KLF12: variants seen among roughly 807,000 people sequenced by gnomAD.
KLF12 encodes the protein Krueppel-like factor 12.
A neutral mutation model predicts 37.8 loss-of-function variants in KLF12; 9 were observed. The observed-to-expected ratio is 0.24, with a 90% CI of 0.14 to 0.42. The LOEUF is 0.42. Ranked by LOEUF, KLF12 falls within the 10% of genes least tolerant of loss-of-function variation. The pLI is 1.00. For synonymous variants in KLF12, 208 were observed against 202.1 expected (o/e 1.03, Z -0.25); for missense variants, 411 against 516.0 (o/e 0.80, Z 1.97).
At chr13:74,130,335 G>A (rs1319384955) in intron 1 of KLF12, among the ~76,000 whole-genome samples, 1 of 152,184 alleles carries the variant, frequency 6.6e-6, no homozygotes, top group East Asian at 1.9e-4. Context: ...AATAGAAAAT[G>A]ACAGATAAGC....
intron 6 of KLF12, among the ~76,000 whole-genome samples, chr13:73,746,385 T>C (rs7331759): frequency 0.36 from 54,548 of 152,070 alleles, 11,381 homozygotes; most frequent in African/African-American, 0.58. Context: ...GCTGTCTTTA[T>C]AAAAGTCTGT....
chr13:73,827,895 A>G (rs529976505), intron 4 of KLF12, among the ~76,000 whole-genome samples: 2 of 152,158 alleles, frequency 1.3e-5, no homozygotes, highest in Non-Finnish European at 2.9e-5. Context: ...TTTTACTATC[A>G]AGAGTTAATT....
intron 3 of KLF12, among the ~76,000 whole-genome samples, chr13:73,922,463 G>C (rs770815293): frequency 6.6e-6 from 1 of 152,190 alleles, no homozygotes; most frequent in Non-Finnish European, 1.5e-5. Flanking sequence ...TGGAGGAACA[G>C]CTGAGGGAGA....
At chr13:74,247,788 A>G in the KLF12 span, among the ~76,000 whole-genome samples, 3 of 152,132 alleles carry the variant, frequency 2.0e-5, no homozygotes, top group Non-Finnish European at 4.4e-5. Context: ...ATTAGCATAA[A>G]CAGATAGAAT....
At chr13:73,869,208 T>C (rs937878367) in intron 3 of KLF12, among the ~76,000 whole-genome samples, 4 of 152,220 alleles carry the variant, frequency 2.6e-5, no homozygotes, top group Admixed American at 1.3e-4. Flanking sequence ...ACATTATGTA[T>C]GTATTTTGTG....
intron 3 of KLF12, among the ~76,000 whole-genome samples, chr13:73,927,472 T>C (rs1378702391): frequency 2.0e-5 from 3 of 152,216 alleles, no homozygotes; most frequent in Non-Finnish European, 2.9e-5. Flanking sequence ...CACCCTTTCA[T>C]CTTTTACCTC....
intron 6 of KLF12, among the ~76,000 whole-genome samples, chr13:73,742,864 A>G (rs1878101748): frequency 6.6e-6 from 1 of 152,184 alleles, no homozygotes; most frequent in African/African-American, 2.4e-5. Context: ...TTCTTTTAAG[A>G]AAATATTACA....
chr13:73,908,999 T>C (rs939615184), intron 3 of KLF12, among the ~76,000 whole-genome samples: 1 of 152,176 alleles, frequency 6.6e-6, no homozygotes, highest in Non-Finnish European at 1.5e-5. Context: ...ACAGTTGGCA[T>C]TGTGGCAATG....
intron 1 of KLF12, among the ~76,000 whole-genome samples, chr13:74,005,552 A>G (rs1291288557): frequency 6.6e-6 from 1 of 152,218 alleles, no homozygotes; most frequent in Non-Finnish European, 1.5e-5. Context: ...TCATCTCTCC[A>G]TGAAGCCAGG....
At chr13:73,788,652 T>C (rs1881494566) in intron 5 of KLF12, among the ~76,000 whole-genome samples, 1 of 151,064 alleles carries the variant, frequency 6.6e-6, no homozygotes, top group Admixed American at 6.6e-5. Context: ...TTTTTTTTTT[T>C]ATTTTTAAAG....
intron 1 of KLF12, among the ~76,000 whole-genome samples, chr13:74,065,421 T>C (rs1276079134): frequency 6.6e-6 from 1 of 151,054 alleles, no homozygotes; most frequent in Non-Finnish European, 1.5e-5. Context: ...ACTTATACAA[T>C]GAAGTAATTT....
intron 1 of KLF12, among the ~76,000 whole-genome samples, chr13:73,996,783 C>T (rs1032553998): frequency 1.3e-5 from 2 of 152,122 alleles, no homozygotes; most frequent in Non-Finnish European, 2.9e-5. Context: ...GAAGGCAAGG[C>T]CTGCAAGCAG....
chr13:74,109,300 A>T (rs1876845189), intron 1 of KLF12, among the ~76,000 whole-genome samples: 1 of 151,848 alleles, frequency 6.6e-6, no homozygotes, highest in African/African-American at 2.4e-5. Flanking sequence ...GGTAAGTGTT[A>T]ATGTCAATTT....
rs547172523 is a variant in KLF12 at position 74,007,884 on chromosome 13, G to A, written c.-31-12831C>T. 1.2e-4 allele frequency among the ~76,000 whole-genome samples: 17 copies of A among 146,714 alleles called. No homozygotes were observed. The South Asian group carries it at 1.9e-3, about 16-fold the overall frequency. ...CAATGAGAACAAACAACTGGTACAT[G>A]GAAAAAAAAAAACGCAATGTGAAAT... On this transcript the variant is annotated intron_variant, in intron 1 of 7. Coordinates refer to ENST00000377669, the MANE Select transcript of KLF12 (RefSeq NM_007249.5).
chr13:73,801,073 A>T (rs1882256651), intron 5 of KLF12: 1 of 152,098 alleles, frequency 6.6e-6, no homozygotes, highest in South Asian at 2.1e-4. Flanking sequence ...GCCATGTAAA[A>T]CATCAATGAG....
chr13:73,989,684 C>T (rs1010059762), intron 2 of KLF12, among the ~76,000 whole-genome samples: 1 of 152,126 alleles, frequency 6.6e-6, no homozygotes, highest in Non-Finnish European at 1.5e-5. Flanking sequence ...CACCAGTGCT[C>T]CTGCTGATAC....
chr13:74,122,019 G>A (rs1877660312), intron 1 of KLF12, among the ~76,000 whole-genome samples: 1 of 152,004 alleles, frequency 6.6e-6, no homozygotes, highest in Non-Finnish European at 1.5e-5. Context: ...TAAATCTAGT[G>A]AGGAGATTAC....
chr13:74,051,388 C>T (rs1175194042), intron 1 of KLF12, among the ~76,000 whole-genome samples: 1 of 134,358 alleles, frequency 7.4e-6, no homozygotes, highest in Non-Finnish European at 1.7e-5. Flanking sequence ...AGTGGAATTC[C>T]GCTACCAACT....
At chr13:74,252,441 C>G in the KLF12 span, among the ~76,000 whole-genome samples, 1 of 152,220 alleles carries the variant, frequency 6.6e-6, no homozygotes, top group Non-Finnish European at 1.5e-5. Flanking sequence ...TAGGACCCAA[C>G]AGTCATCATA....
Sources: gnomAD v4.1 joint callset for allele counts (sites outside exome capture counted in the v4.1 genomes callset) on GRCh38, gnomAD v4.1.1 for gene constraint, MANE v1.5 for transcripts, NCBI Gene and HGNC (gene_info 2026-07-23, HGNC 2026-07-21) for gene names.